RABL3: variants seen among roughly 807,000 people sequenced by gnomAD.
The protein encoded by RABL3 is rab-like protein 3.
A neutral mutation model predicts 31.8 loss-of-function variants in RABL3; 31 were observed. The observed-to-expected ratio is 0.97, with a 90% CI of 0.73 to 1.31. RABL3 has a LOEUF of 1.31. Among genes scored for constraint, RABL3 ranks in the 40% most tolerant of loss-of-function variants. The pLI, the probability that RABL3 is intolerant of heterozygous loss-of-function variation, is 0.00. For missense variants in RABL3, 263 were observed against 279.6 expected (o/e 0.94, Z 0.42); for synonymous variants, 97 against 99.9 (o/e 0.97, Z 0.18).
chr3:120,731,522 G>GTTATTCATTCATTC (rs1426319582), intron 1 of RABL3, among the ~76,000 whole-genome samples: 13 of 152,214 alleles, frequency 8.5e-5, no homozygotes, highest in African/African-American at 3.1e-4. Flanking sequence ...CATTCTAAGG[G>GTTATTCATTCATTC]TAGCATTGAG....
At position 120,698,573 on chromosome 3, in the gene RABL3, C is replaced by T. The variant is rs773332405; in HGVS notation, c.384G>A (p.Gly128=). ...CAGCAAACTGTTCTTGATCATAATC[C>T]CTGTGATAAATAATAATGAAGAGGT... ...LVPTGVLVTN[G]DYDQEQFADN... Residue 128 remains glycine, a splice_region_variant and synonymous_variant, in exon 5 of 8, where the codon GGG becomes GGA. Coordinates refer to ENST00000273375, the MANE Select transcript of RABL3 (RefSeq NM_173825.5). 2.5e-6 allele frequency: 4 copies of T among 1,605,768 alleles called. No homozygotes were observed. Among genetic ancestry groups the T allele is most frequent in the Admixed American group, 1.7e-5 (1 of 59,136 alleles).
intron 6 of RABL3, among the ~76,000 whole-genome samples, chr3:120,692,372 G>A (rs1308209968): frequency 6.7e-6 from 1 of 150,336 alleles, no homozygotes; most frequent in Non-Finnish European, 1.5e-5. Context: ...CTAATTTTTT[G>A]TATTTTTACT....
rs1708306854 is a variant in RABL3 at position 120,686,311 on chromosome 3, A to T, written c.*3512T>A. ...ATATGATGTCACCTGTGCTTTAAAA[A>T]ATTCAATTAAGCCACCATCTAGTAA... On this transcript the variant is annotated 3_prime_UTR_variant, in exon 8 of 8. Transcript: ENST00000273375. 6.6e-6 allele frequency among the ~76,000 whole-genome samples: 1 copy of T among 152,232 alleles called. No homozygotes were observed.
intron 2 of RABL3, among the ~76,000 whole-genome samples, chr3:120,724,355 A>T (rs539218231): frequency 6.6e-6 from 1 of 152,140 alleles, no homozygotes; most frequent in Non-Finnish European, 1.5e-5. Context: ...AATCAATATC[A>T]TGAAAATGGC....
chr3:120,725,000 A>G (rs1015650391), intron 2 of RABL3, among the ~76,000 whole-genome samples: 4 of 152,130 alleles, frequency 2.6e-5, no homozygotes, highest in African/African-American at 9.7e-5. Flanking sequence ...AACTACCATC[A>G]GAGTGAACAG....
chr3:120,731,919 C>T (rs957626276), intron 1 of RABL3, among the ~76,000 whole-genome samples: 1 of 152,044 alleles, frequency 6.6e-6, no homozygotes, highest in African/African-American at 2.4e-5. Context: ...ATTAGCCAGG[C>T]ATGGTGGCCT....
At chr3:120,721,720 A>T (rs1708744397) in intron 2 of RABL3, among the ~76,000 whole-genome samples, 1 of 152,178 alleles carries the variant, frequency 6.6e-6, no homozygotes, top group African/African-American at 2.4e-5. Flanking sequence ...CTCCCACACA[A>T]TAATAATGGG....
chr3:120,706,109 T>C lies in RABL3; in HGVS notation c.274A>G (p.Ile92Val). The change falls in exon 4 of 8, where the codon ATT (isoleucine) becomes GTT (valine). Residue 92 changes from isoleucine to valine, a missense_variant. Coordinates refer to ENST00000273375, the MANE Select transcript of RABL3 (RefSeq NM_173825.5). ...TTATTTGTTAAGTCGTGTACGAAAA[T>C]AATACCTAAAATAATCAGAGAAAAC... is the stretch of plus-strand genomic sequence containing the variant. The part of the protein sequence containing the change: ...AVFYNSVNGI[I>V]FVHDLTNKKS... 6.3e-7 allele frequency: 1 copy of C among 1,587,050 alleles called. No individual in the cohort carries two copies. The highest frequency in any genetic ancestry group is 8.7e-7 in the Non-Finnish European group (1 of 1,155,474).
At chr3:120,694,375 G>A (rs1441172844) in intron 5 of RABL3, 151 bp from the exon 6 acceptor site, 10 of 545,094 alleles carry the variant, frequency 1.8e-5, no homozygotes, top group Non-Finnish European at 3.0e-5. Context: ...AAATTATGGT[G>A]CACAAAGGAG....
Position 120,686,580 on chromosome 3 carries a change from C to T in RABL3, c.*3243G>A, listed in dbSNP as rs1455472423. The T allele has an allele frequency of 6.6e-6, 1 of 152,190 alleles. No individual in the cohort carries two copies. Among genetic ancestry groups the T allele is most frequent in the Non-Finnish European group, 1.5e-5 (1 of 68,032 alleles). 9.4% of individuals were successfully genotyped at this position (152,190 alleles called of 1,614,324 possible). Reference sequence around the variant, plus strand: ...GAGCTAAAGCTAATATGGATCAACTCTTTTGGGAATAGCTTTTCTTAGAGC... The same window carrying T: ...GAGCTAAAGCTAATATGGATCAACTTTTTTGGGAATAGCTTTTCTTAGAGC... On this transcript the variant is annotated 3_prime_UTR_variant, in exon 8 of 8. Transcript: ENST00000273375.
upstream of RABL3, chr3:120,742,537 T>G: frequency 6.2e-7 from 1 of 1,612,884 alleles, no homozygotes; most frequent in South Asian, 1.1e-5. Flanking sequence ...GGTTAACGCC[T>G]GTTCCTGGAT....
intron 2 of RABL3, among the ~76,000 whole-genome samples, chr3:120,727,765 C>G (rs1576345476): frequency 6.6e-6 from 1 of 152,100 alleles, no homozygotes; most frequent in African/African-American, 2.4e-5. Flanking sequence ...AGAGTTATTA[C>G]AGGATTGCAA....
intron 5 of RABL3, among the ~76,000 whole-genome samples, chr3:120,694,575 A>G (rs1288494609): frequency 6.6e-6 from 1 of 152,080 alleles, no homozygotes; most frequent in African/African-American, 2.4e-5. Context: ...AGAGAGAGAG[A>G]GCCATGAAAA....
intron 2 of RABL3, among the ~76,000 whole-genome samples, chr3:120,729,721 G>GTT (rs1708860738): frequency 6.6e-6 from 1 of 152,052 alleles, no homozygotes; most frequent in South Asian, 2.1e-4. Flanking sequence ...GAGATTCTTA[G>GTT]TTAACTGGAA....
intron 1 of RABL3, among the ~76,000 whole-genome samples, chr3:120,731,262 C>T (rs756717692): frequency 6.6e-6 from 1 of 152,178 alleles, no homozygotes; most frequent in Non-Finnish European, 1.5e-5. Context: ...CTGAGGTCCC[C>T]TCCATGGCAT....
Position 120,716,098 on chromosome 3 carries a change from C to G in RABL3, c.139-6189G>C, listed in dbSNP as rs1708665198. ...TTGTTAGGCTGTCCAAAGAGGAATT[C>G]AATAAATATCAATTGTATGCAATGT... On this transcript the variant is annotated intron_variant, in intron 2 of 7. Coordinates refer to ENST00000273375, the MANE Select transcript of RABL3 (RefSeq NM_173825.5). 2.6e-5 allele frequency among the ~76,000 whole-genome samples: 4 copies of G among 152,098 alleles called. No individual in the cohort carries two copies. The South Asian group carries it at 8.3e-4, about 31-fold the overall frequency.
intron 2 of RABL3, among the ~76,000 whole-genome samples, chr3:120,714,099 C>G (rs1006080220): frequency 1.3e-5 from 2 of 152,110 alleles, no homozygotes; most frequent in Admixed American, 1.3e-4. Flanking sequence ...CGTAAGCCAC[C>G]GCGCCTGGCC....
rs188198161 is a variant in RABL3, at chr3:120,687,037, A to G, written c.*2786T>C. 9 of 152,314 alleles carry G rather than the reference A, an allele frequency of 5.9e-5. No homozygotes were observed. In the East Asian group the frequency reaches 1.7e-3, roughly 29 times the overall value. The allele number at this position is 152,314 out of a possible 1,614,324, so 9.4% of individuals were successfully genotyped here. On this transcript the variant is annotated 3_prime_UTR_variant, in exon 8 of 8. Transcript: ENST00000273375. ...AACCTTGCTTCTGCAGTTTTCTCAAATAACAGGGTGCAATATTTTGGGGTT... is the reference window on the plus strand; with the variant it reads ...AACCTTGCTTCTGCAGTTTTCTCAAGTAACAGGGTGCAATATTTTGGGGTT...
intron 4 of RABL3, among the ~76,000 whole-genome samples, chr3:120,699,043 A>G (rs1708467984): frequency 1.3e-5 from 2 of 152,196 alleles, no homozygotes; most frequent in Non-Finnish European, 2.9e-5. Flanking sequence ...CTTCTTGGGT[A>G]CCTTTTGGGG....
Sources: allele counts gnomAD v4.1 joint callset (sites outside exome capture counted in the v4.1 genomes callset), GRCh38; gene constraint gnomAD v4.1.1; transcripts MANE v1.5; gene names NCBI Gene and HGNC (gene_info 2026-07-23, HGNC 2026-07-21).